TBC1D5: variants seen among roughly 807,000 people sequenced by gnomAD.
TBC1D5 encodes the protein TBC1 domain family, member 5.
Under a neutral mutation model 100.3 loss-of-function variants are expected in TBC1D5, and 75 were observed. The observed-to-expected ratio is 0.75, with a 90% CI of 0.62 to 0.91. TBC1D5 has a LOEUF of 0.91. Among genes scored for constraint, TBC1D5 ranks in the 40% least tolerant of loss-of-function variants. The probability of loss-of-function intolerance (pLI) is 0.00; values close to 1 mark genes in which losing one functional copy is unlikely to be tolerated. For missense variants in TBC1D5, 910 were observed against 942.4 expected (o/e 0.97, Z 0.45); for synonymous variants, 323 against 325.6 (o/e 0.99, Z 0.09).
chr3:17,400,333 A>C (rs531144501), intron 8 of TBC1D5, among the ~76,000 whole-genome samples: 3 of 152,160 alleles, frequency 2.0e-5, no homozygotes, highest in African/African-American at 7.2e-5. Flanking sequence ...TGAAAATCAT[A>C]TATTTTAGAT....
intron 8 of TBC1D5, among the ~76,000 whole-genome samples, chr3:17,390,696 C>T (rs2093326352): frequency 6.6e-6 from 1 of 152,026 alleles, no homozygotes; most frequent in Admixed American, 6.6e-5. Context: ...ATGAAAACTC[C>T]CTAGAATACT....
chr3:17,537,413 T>G (rs973657479), intron 2 of TBC1D5, among the ~76,000 whole-genome samples: 3 of 152,216 alleles, frequency 2.0e-5, no homozygotes, highest in African/African-American at 7.2e-5. Flanking sequence ...ACAAGGCACG[T>G]CCAGCCTCCC....
intron 3 of TBC1D5, among the ~76,000 whole-genome samples, chr3:17,435,433 C>T (rs964573739): frequency 3.9e-5 from 6 of 152,156 alleles, no homozygotes; most frequent in Admixed American, 2.6e-4. Flanking sequence ...AGGAAACTTA[C>T]AATCATGATG....
At chr3:17,409,311 C>T (rs1289344397) in intron 4 of TBC1D5, among the ~76,000 whole-genome samples, 1 of 152,058 alleles carries the variant, frequency 6.6e-6, no homozygotes, top group Non-Finnish European at 1.5e-5. Context: ...GCAAAATGAA[C>T]CACAACCATA....
intron 17 of TBC1D5, among the ~76,000 whole-genome samples, chr3:17,237,439 T>A (rs542933300): frequency 6.6e-6 from 1 of 152,178 alleles, no homozygotes; most frequent in Non-Finnish European, 1.5e-5. Flanking sequence ...TGAAGTGCTC[T>A]CTTATGAATA....
intron 13 of TBC1D5, among the ~76,000 whole-genome samples, chr3:17,317,279 T>C (rs2084811250): frequency 1.3e-5 from 2 of 152,174 alleles, no homozygotes; most frequent in Admixed American, 1.3e-4. Context: ...TCAGTTACTA[T>C]CCATTAACAC....
At chr3:17,162,103 C>G (rs1461677449) in intron 21 of TBC1D5, among the ~76,000 whole-genome samples, 1 of 152,186 alleles carries the variant, frequency 6.6e-6, no homozygotes, top group African/African-American at 2.4e-5. Flanking sequence ...CCAAGGACAT[C>G]CAGTGCCAGC....
At chr3:17,736,698 A>C (rs904994678) in intron 1 of TBC1D5, among the ~76,000 whole-genome samples, 1 of 152,128 alleles carries the variant, frequency 6.6e-6, no homozygotes, top group Non-Finnish European at 1.5e-5. Flanking sequence ...ACACCTCCAA[A>C]GTCTCAATAT....
intron 8 of TBC1D5, among the ~76,000 whole-genome samples, chr3:17,386,368 C>A (rs1379926993): frequency 6.6e-6 from 1 of 152,102 alleles, no homozygotes; most frequent in Non-Finnish European, 1.5e-5. Flanking sequence ...ACTACATTAA[C>A]TTTGCAAAGA....
At chr3:17,182,183 G>A (rs1010715589) in intron 19 of TBC1D5, among the ~76,000 whole-genome samples, 11 of 152,196 alleles carry the variant, frequency 7.2e-5, no homozygotes, top group African/African-American at 2.4e-4. Flanking sequence ...TGCATTTGAA[G>A]TGAAATGCAT....
At chr3:17,390,317 G>T (rs1449766795) in intron 8 of TBC1D5, among the ~76,000 whole-genome samples, 1 of 152,034 alleles carries the variant, frequency 6.6e-6, no homozygotes, top group Non-Finnish European at 1.5e-5. Context: ...ACAATAAAGG[G>T]AAGCCAGACA....
intron 15 of TBC1D5, among the ~76,000 whole-genome samples, chr3:17,285,248 CTTTTTTTTTTTTTTTT>C (rs373843978): frequency 1.9e-5 from 2 of 104,684 alleles, no homozygotes; most frequent in African/African-American, 3.6e-5. Context: ...ATTTTAGATT[CTTTTTTTTTTTTTTTT>C]TTTTTTTTTT....
At chr3:17,433,833 A>G (rs1183700150) in intron 3 of TBC1D5, among the ~76,000 whole-genome samples, 1 of 152,238 alleles carries the variant, frequency 6.6e-6, no homozygotes, top group African/African-American at 2.4e-5. Flanking sequence ...CTTCATAGAT[A>G]CAATGGGGGT....
chr3:17,405,823 T>G (rs970489197), intron 5 of TBC1D5, among the ~76,000 whole-genome samples: 1 of 151,770 alleles, frequency 6.6e-6, no homozygotes, highest in African/African-American at 2.4e-5. Context: ...TAGAAATGAG[T>G]CTAAACCTAA....
intron 3 of TBC1D5, among the ~76,000 whole-genome samples, chr3:17,494,552 C>T (rs956990658): frequency 7.2e-5 from 11 of 152,222 alleles, no homozygotes; most frequent in Non-Finnish European, 1.3e-4. Context: ...ACAGCTGCCC[C>T]TCCCACCAGG....
At chr3:17,530,355 G>A (rs192287272) in intron 2 of TBC1D5, among the ~76,000 whole-genome samples, 333 of 152,194 alleles carry the variant, frequency 2.2e-3, no homozygotes, top group African/African-American at 7.8e-3. Context: ...GGGTTGGGGG[G>A]TGGTTACAAC....
chr3:17,569,975 A>G (rs908558461), intron 2 of TBC1D5, among the ~76,000 whole-genome samples: 17 of 151,932 alleles, frequency 1.1e-4, no homozygotes, highest in African/African-American at 4.1e-4. Flanking sequence ...TTACAAAATG[A>G]AAATATTTTA....
chr3:17,387,159 A>G (rs1195053633), intron 8 of TBC1D5, among the ~76,000 whole-genome samples: 1 of 152,156 alleles, frequency 6.6e-6, no homozygotes, highest in African/African-American at 2.4e-5. Flanking sequence ...AGCTCTGAAA[A>G]AGAAGTAAAG....
chr3:17,544,567 C>T (rs971636632), intron 2 of TBC1D5, among the ~76,000 whole-genome samples: 6 of 150,268 alleles, frequency 4.0e-5, no homozygotes, highest in Non-Finnish European at 7.4e-5. Context: ...AGGAGAATCT[C>T]TTGAACCCGC....
Sources: gnomAD v4.1 joint callset for allele counts (sites outside exome capture counted in the v4.1 genomes callset) on GRCh38, gnomAD v4.1.1 for gene constraint, MANE v1.5 for transcripts, NCBI Gene and HGNC (gene_info 2026-07-23, HGNC 2026-07-21) for gene names.